MYH7: variants seen among roughly 807,000 people sequenced by gnomAD.
MYH7 encodes myosin-7.
A neutral mutation model predicts 225.4 loss-of-function variants in MYH7; 129 were observed. That is an observed-to-expected ratio of 0.57 (90% CI 0.50 to 0.66). The LOEUF (loss-of-function observed/expected upper bound fraction) is 0.66, where lower values mean the gene tolerates loss of function less well. Ranked by LOEUF, MYH7 falls within the 30% of genes least tolerant of loss-of-function variation. The probability of loss-of-function intolerance (pLI) is 0.00; values close to 1 mark genes in which losing one functional copy is unlikely to be tolerated. For missense variants in MYH7, 1,649 were observed against 2,517.0 expected, an observed-to-expected ratio of 0.66 and a Z score of 7.38; for synonymous variants, 971 against 1,007.6, an observed-to-expected ratio of 0.96 and a Z score of 0.69.
intron 9 of MYH7, 147 bp from the exon 10 acceptor site, chr14:23,431,146 G>C (rs1892918945): frequency 2.8e-6 from 2 of 726,746 alleles, no homozygotes; most frequent in South Asian, 3.1e-5. Context: ...ATCACACAGA[G>C]AGATGGAAAC....
Position 23,422,308 on chromosome 14 carries a change from C to T in MYH7, c.3117G>A (p.Glu1039=), listed in dbSNP as rs1437928468. 6.2e-7 allele frequency: 1 copy of T among 1,614,108 alleles called. No homozygotes were observed. The highest frequency in any genetic ancestry group is 1.7e-5 in the Admixed American group (1 of 60,014). The change falls in exon 25 of 40, where the codon GAG becomes GAA. Residue 1039 remains glutamate (E), a synonymous_variant. Coordinates refer to ENST00000355349, the MANE Select transcript of MYH7 (RefSeq NM_000257.4). The stretch of plus-strand genomic sequence containing the variant: ...GGTCCATGCGCACCTTCTTCTCTTG[C>T]TCCAGGGATCCTTCCAGCTGGTAGA... ...QQVDDLEGSL[E]QEKKVRMDLE...
In MYH7 at chr14:23,426,019, G is replaced by A. The variant is rs756771147; in HGVS notation, c.2107C>T (p.Arg703Cys). 5 of 1,614,190 alleles carry A rather than the reference G, an allele frequency of 3.1e-6. No homozygotes were observed. The highest frequency in any genetic ancestry group is 2.2e-5 in the East Asian group (1 of 44,884). Residue 703 changes from arginine to cysteine, a missense_variant, in exon 19 of 40, where the codon CGC becomes TGC. By Grantham distance (180) the Arg-to-Cys change is radical. This residue lies in a region of MYH7 where 41 missense variants were observed against 124.8 expected (regional missense o/e 0.33). Transcript: ENST00000355349. ...TTGGGGAAGCCTTTCCTGCAGATGC[G>A]GATGCCCTCCAGCACACCATTGCAG... The part of the protein sequence containing the change: ...LRCNGVLEGI[R>C]ICRKGFPNRI...
In MYH7 at chr14:23,433,160, ATG is replaced by A; in HGVS notation, c.267_268del (p.Met90GlyfsTer8). 1 of 1,614,118 alleles carries A rather than the reference ATG, an allele frequency of 6.2e-7. No homozygotes were observed. Among genetic ancestry groups the A allele is most frequent in the Non-Finnish European group, 8.5e-7 (1 of 1,180,028 alleles). On this transcript the variant is annotated frameshift_variant, in exon 4 of 40. Transcript: ENST00000355349. LOFTEE classifies it high-confidence loss of function. The surrounding 1 kb of genome is among the most constrained non-coding windows in gnomAD (Gnocchi z 4.1). ...CTCATGCAGGAAGGTCAGCATGGCC[ATG>A]TCCTCGATTTTGTCGAACTTGGGTG...
rs1194795290 is a variant in MYH7, at chr14:23,425,205, A to G, written c.2423+77T>C. 3.1e-6 allele frequency: 5 copies of G among 1,612,232 alleles called. No individual in the cohort carries two copies. The highest frequency in any genetic ancestry group is 4.2e-6 in the Non-Finnish European group (5 of 1,178,896). On this transcript the variant is annotated intron_variant, in intron 21 of 39. Transcript: ENST00000355349. The surrounding 1 kb of genome is among the most constrained non-coding windows in gnomAD (Gnocchi z 4.6). The stretch of plus-strand genomic sequence containing the variant: ...GGTCTCTGTGTTTGAAGATCTGCTG[A>G]GCTTTTTTTCCTGACACTGCCCCTG...
At chr14:23,414,878 G>A (rs1892117600) in intron 37 of MYH7, 117 bp downstream of exon 37, 1 of 1,546,664 alleles carries the variant, frequency 6.5e-7, no homozygotes. Flanking sequence ...GTGAAACGGG[G>A]GCTGCATTCC....
chr14:23,429,984 T>C (rs189291315), intron 11 of MYH7, 71 bp from the exon 12 acceptor site: 75 of 1,587,390 alleles, frequency 4.7e-5, no homozygotes, highest in Middle Eastern at 3.4e-4. Flanking sequence ...CCCTTGTAAG[T>C]TGGAGAGAAA....
intron 33 of MYH7, 62 bp from the exon 34 acceptor site, chr14:23,416,374 C>A: frequency 6.5e-7 from 1 of 1,544,900 alleles, no homozygotes; most frequent in Non-Finnish European, 8.8e-7. Context: ...AGGGTGGGGG[C>A]CTGCTCACTA....
chr14:23,433,304 G>C lies in MYH7; in HGVS notation c.202-77C>G. 6.2e-7 allele frequency: 1 copy of C among 1,602,540 alleles called. No individual in the cohort carries two copies. On this transcript the variant is annotated intron_variant, in intron 3 of 39. Transcript: ENST00000355349. The surrounding 1 kb of genome is among the most constrained non-coding windows in gnomAD (Gnocchi z 4.1). ...CCTCAAGAGGGTTAGGAGTTGGTGAGTGACAGGGCAATAGTGCTCAAGAGA... is the reference window on the plus strand; with the variant it reads ...CCTCAAGAGGGTTAGGAGTTGGTGACTGACAGGGCAATAGTGCTCAAGAGA...
chr14:23,412,882 GA>G lies in MYH7; in HGVS notation c.5791-12del, dbSNP rs1275832319. 5 of 1,613,866 alleles carry G rather than the reference GA, an allele frequency of 3.1e-6. No homozygotes were observed. ...CTCCTCATTCAAGCCCTTTTGAAAG[GA>G]AACAAAGTCCAATCAGTCCTTGGAG... On this transcript the variant is annotated splice_polypyrimidine_tract_variant and intron_variant, in intron 39 of 39. Transcript: ENST00000355349.
chr14:23,422,699 C>T (rs1002682344), intron 24 of MYH7, among the ~76,000 whole-genome samples: 5 of 145,404 alleles, frequency 3.4e-5, no homozygotes, highest in African/African-American at 7.7e-5. Flanking sequence ...GGCGCGATCT[C>T]GGCTCACTGC....
chr14:23,429,317 A>T lies in MYH7; in HGVS notation c.1169T>A (p.Leu390Gln). The change falls in exon 13 of 40, where the codon CTG becomes CAG. Residue 390 changes from leucine (L) to glutamine (Q), a missense_variant. By Grantham distance (113) the Leu-to-Gln change is moderately radical. Coordinates refer to ENST00000355349, the MANE Select transcript of MYH7 (RefSeq NM_000257.4). ...EADKSAYLMGLNSADLLKGLC... is the reference protein window; with the variant it reads ...EADKSAYLMGQNSADLLKGLC... ...CCCCTTGAGCAGGTCGGCTGAGTTC[A>T]GCCCCATGAGGTAGGCAGACTTGTC... 3 of 1,614,220 alleles carry T rather than the reference A, an allele frequency of 1.9e-6. No homozygotes were observed. The highest frequency in any genetic ancestry group is 2.5e-6 in the Non-Finnish European group (3 of 1,180,036).
chr14:23,433,104 A>G lies in MYH7; in HGVS notation c.325T>C (p.Tyr109His), dbSNP rs1415405257. Reference protein sequence around the residue: ...PAVLYNLKDRYGSWMIYTYSG... With the variant: ...PAVLYNLKDRHGSWMIYTYSG... ...CTCACGTAGATCATCCAGGAGCCGT[A>G]GCGATCCTTGAGGTTGTAGAGCACC... The change falls in exon 4 of 40, where the codon TAC (tyrosine) becomes CAC (histidine). Residue 109 changes from tyrosine (Y) to histidine (H), a missense_variant. By Grantham distance (83) the Tyr-to-His change is moderately conservative. Transcript: ENST00000355349. The surrounding 1 kb of genome is among the most constrained non-coding windows in gnomAD (Gnocchi z 4.1). The G allele has an allele frequency of 1.2e-6, 2 of 1,614,046 alleles. No homozygotes were observed. The highest frequency in any genetic ancestry group is 1.3e-5 in the African/African-American group (1 of 74,912).
intron 33 of MYH7, 152 bp downstream of exon 33, chr14:23,416,716 C>G (rs1159609391): frequency 7.9e-7 from 1 of 1,259,140 alleles, no homozygotes. Flanking sequence ...ATTCACTCCA[C>G]AAATCTTCAC....
chr14:23,427,938 G>T (rs1892761808), intron 15 of MYH7, 44 bp from the exon 16 acceptor site: 1 of 1,610,172 alleles, frequency 6.2e-7, no homozygotes, highest in African/African-American at 1.3e-5. Flanking sequence ...CTTCACACAG[G>T]TGGACATGGA....
rs730880923 is a variant in MYH7, at chr14:23,430,634, C to T, written c.925G>A (p.Asp309Asn). 1.2e-5 allele frequency: 20 copies of T among 1,613,928 alleles called. No individual in the cohort carries two copies. Among genetic ancestry groups the T allele is most frequent in the Middle Eastern group, 1.6e-4 (1 of 6,084 alleles). The change falls in exon 11 of 40, where the codon GAT becomes AAT. Residue 309 changes from aspartate (D) to asparagine (N), a missense_variant. Asp to Asn is a conservative substitution (Grantham distance 23). This residue lies in a region of MYH7 where 131 missense variants were observed against 231.3 expected (regional missense o/e 0.57). Transcript: ENST00000355349. ...TCTCCTTGGGAGATGAATGCATAAT[C>T]GTAGGGGTTGTTGGTGATCAGCAGC... is the stretch of plus-strand genomic sequence containing the variant. Reference protein sequence around the residue: ...DMLLITNNPYDYAFISQGETT... With the variant: ...DMLLITNNPYNYAFISQGETT...
rs1893021900 is a variant in MYH7, at chr14:23,433,261, C to T, written c.202-34G>A. ...GCCCCCACCCAAGCCCTCCTGTCAG[C>T]CTGGGCTTTCCCTCCTTCCTCAAGA... On this transcript the variant is annotated intron_variant, in intron 3 of 39. Coordinates refer to ENST00000355349, the MANE Select transcript of MYH7 (RefSeq NM_000257.4). The surrounding 1 kb of genome is among the most constrained non-coding windows in gnomAD (Gnocchi z 4.1). 3 of 1,613,986 alleles carry T rather than the reference C, an allele frequency of 1.9e-6. No individual in the cohort carries two copies. Among genetic ancestry groups the T allele is most frequent in the Non-Finnish European group, 2.5e-6 (3 of 1,179,982 alleles).
In MYH7 at chr14:23,413,824, G is replaced by A. The variant is rs146796870; in HGVS notation, c.5725C>T (p.Arg1909Trp). ...VQHELDEAEE[R>W]ADIAESQVNK... ...ACCTGGGACTCGGCGATGTCCGCCC[G>A]CTCCTCTGCCTCATCCAGCTCGTGC... The change falls in exon 39 of 40, where the codon CGG (arginine) becomes TGG (tryptophan). Residue 1909 changes from arginine to tryptophan, a missense_variant. By Grantham distance (101) the Arg-to-Trp change is moderately radical. Transcript: ENST00000355349. 9.9e-6 allele frequency: 16 copies of A among 1,614,128 alleles called. No homozygotes were observed. Among genetic ancestry groups the A allele is most frequent in the African/African-American group, 4.0e-5 (3 of 74,940 alleles).
chr14:23,429,924 G>T lies in MYH7; in HGVS notation c.1000-11C>A. ...CACATCAAAAGCGTTCTGTAGGGAG[G>T]CCCCATATTGGCGGACCCCAGAAAA... is the stretch of plus-strand genomic sequence containing the variant. On this transcript the variant is annotated splice_polypyrimidine_tract_variant and intron_variant, in intron 11 of 39. Coordinates refer to ENST00000355349, the MANE Select transcript of MYH7 (RefSeq NM_000257.4). 1 of 1,613,780 alleles carries T rather than the reference G, an allele frequency of 6.2e-7. No homozygotes were observed. The highest frequency in any genetic ancestry group is 2.2e-5 in the East Asian group (1 of 44,870).
intron 18 of MYH7, 140 bp from the exon 19 acceptor site, chr14:23,426,221 C>T: frequency 2.9e-6 from 3 of 1,025,118 alleles, no homozygotes; most frequent in Non-Finnish European, 4.3e-6. Context: ...TTCTTCTAGC[C>T]ACATTTTTAA....
Sources: allele counts gnomAD v4.1 joint callset (sites outside exome capture counted in the v4.1 genomes callset), GRCh38; gene constraint gnomAD v4.1.1; regional missense constraint gnomAD v4.1.1; non-coding constraint Gnocchi (gnomAD v3.1); transcripts MANE v1.5; gene names NCBI Gene and HGNC (gene_info 2026-07-23, HGNC 2026-07-21).